REPS2: variants seen among roughly 807,000 people sequenced by gnomAD.
REPS2 encodes the protein ralBP1-associated Eps domain-containing protein 2.
REPS2 carries 23 observed loss-of-function variants against 53.6 expected under a neutral mutation model. The observed-to-expected ratio is 0.43, with a 90% CI of 0.31 to 0.61. The LOEUF (loss-of-function observed/expected upper bound fraction) is 0.61. REPS2 is among the 20% of genes least tolerant of loss of function. The pLI, the probability that REPS2 is intolerant of heterozygous loss-of-function variation, is 0.11. For missense variants in REPS2, 446 were observed against 534.9 expected (o/e 0.83, Z 1.64); for synonymous variants, 238 against 218.6 (o/e 1.09, Z -0.78).
At position 16,961,098 on chromosome X, in the gene REPS2, A is replaced by C. The variant is rs181121666; in HGVS notation, c.273+13964A>C. 1.3e-3 allele frequency among the ~76,000 whole-genome samples: 141 copies of C among 112,124 alleles called. 1 individual carries two copies. Among genetic ancestry groups the C allele is most frequent in the Admixed American group, 2.0e-3 (21 of 10,525 alleles). ...CATTTTTCACAGAAATAGAAAAAACAATTCTAAAATTCATATGGTGTGACA... is the reference window on the plus strand; with the variant it reads ...CATTTTTCACAGAAATAGAAAAAACCATTCTAAAATTCATATGGTGTGACA... On this transcript the variant is annotated intron_variant, in intron 1 of 17. Transcript: ENST00000357277.
At chrX:17,047,795 G>A (rs961922789) in intron 6 of REPS2, among the ~76,000 whole-genome samples, 2 of 112,874 alleles carry the variant, frequency 1.8e-5, no homozygotes, top group South Asian at 3.6e-4. Flanking sequence ...TTGCTTCCTC[G>A]TTATATTAGA....
At chrX:17,006,128 T>C in intron 1 of REPS2, 93 bp from the exon 2 acceptor site, 1 of 1,038,122 alleles carries the variant, frequency 9.6e-7, no homozygotes, top group Non-Finnish European at 1.3e-6. Context: ...GGTTAGCCAC[T>C]AGGTGAAATC....
In REPS2 at chrX:17,068,445, A is replaced by T. The variant is rs184329917; in HGVS notation, c.1253A>T (p.Gln418Leu). The T allele has an allele frequency of 1.7e-6, 2 of 1,205,841 alleles. No individual in the cohort carries two copies. The highest frequency in any genetic ancestry group is 3.5e-5 in the African/African-American group (2 of 57,337). Residue 418 changes from glutamine (Q) to leucine (L), a missense_variant, in exon 10 of 18, where the codon CAG (glutamine) becomes CTG (leucine). Gln to Leu is a moderately radical substitution (Grantham distance 113). Transcript: ENST00000357277. ...ATGGCTGACCTTCCTGTCCCTAACC[A>T]GGATGTAACTAGTGATGACAAACAA... ...KDMADLPVPN[Q>L]DVTSDDKQAL...
intron 14 of REPS2, among the ~76,000 whole-genome samples, chrX:17,127,215 C>G (rs113896680): frequency 0.025 from 2,759 of 112,185 alleles, 92 homozygotes; most frequent in African/African-American, 0.086. Flanking sequence ...ACCTGGCCTA[C>G]ATGACCGTCA....
chrX:17,140,991 C>T (rs1226656970), intron 17 of REPS2, among the ~76,000 whole-genome samples: 1 of 110,967 alleles, frequency 9.0e-6, no homozygotes, highest in African/African-American at 3.3e-5. Context: ...AGGTTGGTCT[C>T]GATTTCCTGA....
chrX:16,964,215 G>T (rs2060703082), intron 1 of REPS2, among the ~76,000 whole-genome samples: 1 of 108,100 alleles, frequency 9.3e-6, no homozygotes, highest in African/African-American at 3.4e-5. Flanking sequence ...CTTGAGATTA[G>T]GGAGTGGTGC....
At chrX:17,016,145 C>G (rs185033449) in intron 2 of REPS2, among the ~76,000 whole-genome samples, 1 of 112,024 alleles carries the variant, frequency 8.9e-6, no homozygotes, top group African/African-American at 3.2e-5. Context: ...TTTTGATTTG[C>G]ATTTCTCTGA....
intron 12 of REPS2, among the ~76,000 whole-genome samples, chrX:17,076,794 G>A (rs183251772): frequency 3.6e-5 from 4 of 111,436 alleles, no homozygotes; most frequent in Non-Finnish European, 7.5e-5. Flanking sequence ...TTCGTTTGTG[G>A]CATATTCCCC....
At chrX:16,956,258 A>T (rs1602496204) in intron 1 of REPS2, among the ~76,000 whole-genome samples, 1 of 61,403 alleles carries the variant, frequency 1.6e-5, no homozygotes, top group Non-Finnish European at 3.2e-5. Flanking sequence ...TCCTTCTATT[A>T]TGCATGTAAG....
intron 13 of REPS2, among the ~76,000 whole-genome samples, chrX:17,102,243 G>T (rs913828924): frequency 3.6e-5 from 4 of 110,183 alleles, no homozygotes; most frequent in Non-Finnish European, 7.6e-5. Flanking sequence ...TACCACGCCT[G>T]GCTAGTTTTT....
downstream of REPS2, chrX:17,153,420 G>T (rs942635434): frequency 1.8e-5 from 2 of 112,165 alleles, no homozygotes; most frequent in Admixed American, 1.9e-4. Flanking sequence ...CTGGTGATCT[G>T]AGACAGGTTC....
At chrX:17,077,688 A>AGT (rs1260641614) in intron 13 of REPS2, among the ~76,000 whole-genome samples, 4 of 112,276 alleles carry the variant, frequency 3.6e-5, no homozygotes, top group African/African-American at 9.7e-5. Context: ...CAGCCTGCTG[A>AGT]GTGTGTGGCT....
At chrX:17,102,377 G>T (rs2148057388) in intron 13 of REPS2, among the ~76,000 whole-genome samples, 1 of 111,895 alleles carries the variant, frequency 8.9e-6, no homozygotes, top group East Asian at 2.8e-4. Flanking sequence ...CACCATGCCT[G>T]GCTTGTTTCA....
At chrX:17,042,969 A>G (rs1183222392) in intron 5 of REPS2, among the ~76,000 whole-genome samples, 1 of 107,728 alleles carries the variant, frequency 9.3e-6, no homozygotes, top group Non-Finnish European at 2.0e-5. Context: ...CAGTTTTTAA[A>G]TATTTTTTGT....
At chrX:17,071,551 G>A (rs2062305917) in intron 11 of REPS2, among the ~76,000 whole-genome samples, 1 of 111,417 alleles carries the variant, frequency 9.0e-6, no homozygotes, top group Non-Finnish European at 1.9e-5. Flanking sequence ...AGCATGCTAT[G>A]TGTTTTCTGA....
chrX:16,963,592 T>A (rs984435318), intron 1 of REPS2, among the ~76,000 whole-genome samples: 2 of 112,444 alleles, frequency 1.8e-5, no homozygotes, highest in African/African-American at 6.5e-5. Flanking sequence ...AGGCAGGCAG[T>A]GGTGCTCTGT....
In REPS2 at chrX:16,968,463, G is replaced by A. The variant is rs867973795; in HGVS notation, c.273+21329G>A. ...CCTCCCGGACGGGGCGGCTGGCCGG[G>A]CGGGGGGCTGACACCCCCACCTCCC... On this transcript the variant is annotated intron_variant, in intron 1 of 17. Transcript: ENST00000357277. Among the ~76,000 whole-genome samples the A allele has an allele frequency of 6.3e-3, 689 of 109,343 alleles. 5 individuals are homozygous for A. The highest frequency in any genetic ancestry group is 0.02 in the Middle Eastern group (4 of 204). 95.0% of individuals were successfully genotyped at this position (109,343 alleles called of 115,157 possible).
the REPS2 span, among the ~76,000 whole-genome samples, chrX:17,191,387 A>G: frequency 8.9e-6 from 1 of 112,560 alleles, no homozygotes; most frequent in Non-Finnish European, 1.9e-5. Context: ...ACCACAATGA[A>G]ATACCACTTC....
At chrX:17,058,368 A>G (rs759909060) in intron 8 of REPS2, among the ~76,000 whole-genome samples, 9 of 107,062 alleles carry the variant, frequency 8.4e-5, no homozygotes, top group African/African-American at 3.1e-4. Context: ...CAGGAGAATC[A>G]CTTGAACCTG....
Sources: gnomAD v4.1 joint callset for allele counts (sites outside exome capture counted in the v4.1 genomes callset) on GRCh38, gnomAD v4.1.1 for gene constraint, MANE v1.5 for transcripts, NCBI Gene and HGNC (gene_info 2026-07-23, HGNC 2026-07-21) for gene names.